Variants in PRKAR1B observed in about 807,000 individuals in gnomAD.
PRKAR1B encodes the protein cAMP-dependent protein kinase type I-beta regulatory subunit.
PRKAR1B carries 22 observed loss-of-function variants against 46.5 expected under a neutral mutation model. That is an observed-to-expected ratio of 0.47 (90% confidence interval 0.34 to 0.68). The LOEUF (loss-of-function observed/expected upper bound fraction) is 0.68. PRKAR1B is among the 30% of genes least tolerant of loss of function. The pLI is 0.01. For missense variants in PRKAR1B, 445 were observed against 535.6 expected (o/e 0.83, Z 1.67); for synonymous variants, 259 against 217.7 (o/e 1.19, Z -1.67).
intron 2 of PRKAR1B, among the ~76,000 whole-genome samples, chr7:707,576 A>G (rs1364702397): frequency 1.3e-5 from 2 of 152,020 alleles, no homozygotes; most frequent in East Asian, 3.9e-4. Context: ...AGAACCTCAG[A>G]ACCTCAGAAG....
intron 2 of PRKAR1B, among the ~76,000 whole-genome samples, chr7:687,431 A>C (rs531782013): frequency 2.6e-5 from 4 of 152,338 alleles, no homozygotes; most frequent in African/African-American, 9.6e-5. Context: ...ATTGGAACTA[A>C]GAACTTGGTG....
intron 4 of PRKAR1B, among the ~76,000 whole-genome samples, chr7:660,636 C>G (rs1785472111): frequency 7.8e-6 from 1 of 128,558 alleles, no homozygotes. Flanking sequence ...GCACAAGTCC[C>G]CACCCCAACA....
chr7:700,733 AC>A (rs1349589017), intron 2 of PRKAR1B, among the ~76,000 whole-genome samples: 1 of 152,232 alleles, frequency 6.6e-6, no homozygotes, highest in Non-Finnish European at 1.5e-5. Flanking sequence ...AGGAGGAACT[AC>A]CAAATAAATT....
chr7:665,327 G>C (rs1785844095), intron 4 of PRKAR1B, among the ~76,000 whole-genome samples: 1 of 152,160 alleles, frequency 6.6e-6, no homozygotes, highest in African/African-American at 2.4e-5. Flanking sequence ...TCTACTCCAA[G>C]CTGGGTGGCC....
chr7:676,704 G>A (rs572782115), intron 4 of PRKAR1B, among the ~76,000 whole-genome samples: 7 of 152,336 alleles, frequency 4.6e-5, no homozygotes, highest in South Asian at 2.1e-4. Context: ...GCTGTGACAC[G>A]CTTCTCCTGG....
rs144478976 is a variant in PRKAR1B at position 606,184 on chromosome 7, G to C, written c.549+9C>G. ...CGCTATTTTCCAAAGACAAGTTAGC[G>C]ACACTCACATCCACTTCCCCTTGAT... On this transcript the variant is annotated intron_variant, in intron 6 of 10. Transcript: ENST00000537384. 6.2e-7 allele frequency: 1 copy of C among 1,613,670 alleles called. No individual in the cohort carries two copies. Among genetic ancestry groups the C allele is most frequent in the Admixed American group, 1.7e-5 (1 of 59,984 alleles).
In PRKAR1B at chr7:677,263, C is replaced by T. The variant is rs1778385726; in HGVS notation, c.406G>A (p.Val136Met). The change falls in exon 4 of 11, where the codon GTG (valine) becomes ATG (methionine). Residue 136 changes from valine to methionine, a missense_variant. Coordinates refer to ENST00000537384, the MANE Select transcript of PRKAR1B (RefSeq NM_001164760.2). ...TTGTCATCCAGGTGAGCGAAGAGCA[C>T]GTTCTTGGAGATGGCCTTGGCCAGC... ...TALAKAISKN[V>M]LFAHLDDNER... The T allele has an allele frequency of 5.6e-6, 9 of 1,614,234 alleles. No homozygotes were observed. Among genetic ancestry groups the T allele is most frequent in the Non-Finnish European group, 7.6e-6 (9 of 1,180,036 alleles).
At chr7:726,492 C>T in intron 1 of PRKAR1B, 1 of 377,848 alleles carries the variant, frequency 2.6e-6, no homozygotes, top group Non-Finnish European at 4.7e-6. Context: ...CGAGACCTTC[C>T]CCATCTGTAC....
chr7:685,313 T>C (rs1346779573), intron 2 of PRKAR1B, among the ~76,000 whole-genome samples: 1 of 93,152 alleles, frequency 1.1e-5, no homozygotes, highest in African/African-American at 5.4e-5. Context: ...TATACGTATA[T>C]ATACGTATAT....
intron 4 of PRKAR1B, among the ~76,000 whole-genome samples, chr7:640,815 A>ACACACACAC (rs1784352010): frequency 7.5e-6 from 1 of 133,164 alleles, no homozygotes; most frequent in Non-Finnish European, 1.6e-5. Context: ...CACAGACACA[A>ACACACACAC]ATGAAATACC....
rs899832844 is a variant in PRKAR1B at position 714,398 on chromosome 7, C to T, written c.-22-2871G>A. On this transcript the variant is annotated intron_variant, in intron 1 of 10. Transcript: ENST00000537384. The surrounding 1 kb of genome is among the most constrained non-coding windows in gnomAD (Gnocchi z 4.3). ...TCCTCAGGCTGAGCCTCCTTGCCTG[C>T]GTCCTTTTGAGACAAGGATCTCCCA... Among the ~76,000 whole-genome samples, 3 of 152,212 alleles carry T rather than the reference C, an allele frequency of 2.0e-5. No individual in the cohort carries two copies. Among genetic ancestry groups the T allele is most frequent in the Non-Finnish European group, 2.9e-5 (2 of 68,036 alleles).
intron 4 of PRKAR1B, among the ~76,000 whole-genome samples, chr7:669,720 C>T (rs532642307): frequency 1.9e-4 from 29 of 151,278 alleles, no homozygotes; most frequent in Non-Finnish European, 3.0e-4. Flanking sequence ...GCCGAGATAG[C>T]GCCACTGCAC....
intron 1 of PRKAR1B, among the ~76,000 whole-genome samples, chr7:712,215 A>C (rs1472621658): frequency 6.7e-6 from 1 of 148,498 alleles, no homozygotes; most frequent in African/African-American, 2.5e-5. Flanking sequence ...GCCCACCCAG[A>C]GACCCCGCGC....
chr7:682,599 G>A (rs1021727269), intron 2 of PRKAR1B, among the ~76,000 whole-genome samples: 5 of 152,056 alleles, frequency 3.3e-5, no homozygotes, highest in African/African-American at 1.2e-4. Context: ...CAAAAAATTA[G>A]CTGGGTGTGG....
intron 4 of PRKAR1B, among the ~76,000 whole-genome samples, chr7:622,886 C>T (rs1411095767): frequency 1.3e-5 from 2 of 151,196 alleles, no homozygotes; most frequent in African/African-American, 4.9e-5. Flanking sequence ...TCAGTCTGTC[C>T]TCCTTTAGAA....
chr7:728,740 G>T (rs114907167), upstream of PRKAR1B, among the ~76,000 whole-genome samples: 886 of 152,328 alleles, frequency 5.8e-3, 11 homozygotes, highest in African/African-American at 0.02. Flanking sequence ...AGCCTGCTGG[G>T]GTATGTGCTC....
intron 9 of PRKAR1B, among the ~76,000 whole-genome samples, chr7:558,522 G>A (rs559351498): frequency 1.3e-4 from 20 of 152,238 alleles, no homozygotes; most frequent in African/African-American, 4.6e-4. Flanking sequence ...TTGGGAGGCC[G>A]AGGTGGGCAG....
chr7:726,980 AC>A, intron 1 of PRKAR1B: 1 of 1,290,996 alleles, frequency 7.7e-7, no homozygotes, highest in Non-Finnish European at 9.8e-7. Context: ...TGCCTGAGCG[AC>A]CCCGCCGAGG....
chr7:636,951 G>A (rs545190181), intron 4 of PRKAR1B, among the ~76,000 whole-genome samples: 2 of 152,316 alleles, frequency 1.3e-5, no homozygotes, highest in East Asian at 3.9e-4. Context: ...GAAGGTGGGG[G>A]GTGGGGAGTG....
Sources: allele counts gnomAD v4.1 joint callset (sites outside exome capture counted in the v4.1 genomes callset), GRCh38; gene constraint gnomAD v4.1.1; non-coding constraint Gnocchi (gnomAD v3.1); transcripts MANE v1.5; gene names NCBI Gene and HGNC (gene_info 2026-07-23, HGNC 2026-07-21).